PEX5L: variants seen among roughly 807,000 people sequenced by gnomAD.
PEX5L encodes peroxisomal biogenesis factor 5 like.
A neutral mutation model predicts 84.0 loss-of-function variants in PEX5L; 30 were observed. That is an observed-to-expected ratio of 0.36 (90% CI 0.27 to 0.48). The LOEUF is 0.48. PEX5L is among the 20% of genes least tolerant of loss of function. The pLI, the probability that PEX5L is intolerant of heterozygous loss-of-function variation, is 0.99. For missense variants in PEX5L, 533 were observed against 754.6 expected, an observed-to-expected ratio of 0.71 and a Z score of 3.44; for synonymous variants, 270 against 283.1, an observed-to-expected ratio of 0.95 and a Z score of 0.46.
rs149723859 is a variant in PEX5L at position 180,018,914 on chromosome 3, C to G, written c.21+17665G>C. Among the ~76,000 whole-genome samples the G allele has an allele frequency of 3.0e-3, 463 of 152,216 alleles. 3 individuals are homozygous for G. Among genetic ancestry groups the G allele is most frequent in the African/African-American group, 0.011 (443 of 41,544 alleles). ...GTTGTTTGTTTGTTAAAATCCAGAA[C>G]AGCAAGCCTAGAGTTTTCGGGCCAC... is the stretch of plus-strand genomic sequence containing the variant. On this transcript the variant is annotated intron_variant, in intron 1 of 14. Transcript: ENST00000467460.
rs542476156 is a variant in PEX5L at position 179,980,819 on chromosome 3, T to A, written c.22-9154A>T. Among the ~76,000 whole-genome samples the A allele has an allele frequency of 2.6e-5, 4 of 151,154 alleles. No individual in the cohort carries two copies. The South Asian group carries it at 8.4e-4, about 32-fold the overall frequency. On this transcript the variant is annotated intron_variant, in intron 1 of 14. Coordinates refer to ENST00000467460, the MANE Select transcript of PEX5L (RefSeq NM_016559.3). ...CACTTTGGGAGGCTGAGGTCAGGAG[T>A]TCAAGACCACCCTGGCCAACATGGT...
At chr3:179,849,525 AC>A (rs1740956423) in intron 8 of PEX5L, among the ~76,000 whole-genome samples, 1 of 152,158 alleles carries the variant, frequency 6.6e-6, no homozygotes, top group Non-Finnish European at 1.5e-5. Flanking sequence ...TTTTCCACAT[AC>A]CTTATTATGC....
intron 2 of PEX5L, among the ~76,000 whole-genome samples, chr3:179,928,796 C>A (rs1047887557): frequency 2.0e-5 from 3 of 152,138 alleles, no homozygotes; most frequent in African/African-American, 7.2e-5. Flanking sequence ...ACATAAAGAA[C>A]AAAACTACTG....
At chr3:179,905,484 A>T (rs1268869858) in intron 2 of PEX5L, among the ~76,000 whole-genome samples, 1 of 152,060 alleles carries the variant, frequency 6.6e-6, no homozygotes, top group East Asian at 1.9e-4. Flanking sequence ...CGTGTTAGCC[A>T]GGATGGTCTC....
intron 8 of PEX5L, among the ~76,000 whole-genome samples, chr3:179,849,442 A>G (rs1029647434): frequency 2.6e-5 from 4 of 152,378 alleles, no homozygotes; most frequent in Admixed American, 6.5e-5. Flanking sequence ...CACGCATTTT[A>G]CTAATGAAAA....
intron 2 of PEX5L, among the ~76,000 whole-genome samples, chr3:179,955,087 C>CCAGA (rs1296464176): frequency 3.3e-5 from 5 of 152,146 alleles, no homozygotes; most frequent in Non-Finnish European, 5.9e-5. Flanking sequence ...TCCCCAAGAA[C>CCAGA]TTTAAATCTG....
intron 9 of PEX5L, among the ~76,000 whole-genome samples, chr3:179,819,049 G>A (rs541215087): frequency 6.9e-6 from 1 of 144,380 alleles, no homozygotes; most frequent in Non-Finnish European, 1.5e-5. Flanking sequence ...TTTTTTTTTG[G>A]TAGAGACAGG....
At chr3:179,811,063 A>C (rs1158228163) in intron 11 of PEX5L, among the ~76,000 whole-genome samples, 1 of 152,158 alleles carries the variant, frequency 6.6e-6, no homozygotes, top group East Asian at 1.9e-4. Flanking sequence ...AAATACCAAC[A>C]GAATCTTGAA....
chr3:180,023,778 A>C (rs1790640757), intron 1 of PEX5L, among the ~76,000 whole-genome samples: 1 of 102,752 alleles, frequency 9.7e-6, no homozygotes, highest in Non-Finnish European at 1.9e-5. Context: ...ACACAGAGAG[A>C]GAGAGAGAGA....
intron 1 of PEX5L, among the ~76,000 whole-genome samples, chr3:179,981,851 T>C (rs1786362681): frequency 6.6e-6 from 1 of 152,118 alleles, no homozygotes; most frequent in Non-Finnish European, 1.5e-5. Context: ...CAATGTGAAA[T>C]TGTTCAGTGC....
chr3:179,810,392 T>C (rs1163311230), intron 11 of PEX5L, among the ~76,000 whole-genome samples: 5 of 152,142 alleles, frequency 3.3e-5, no homozygotes, highest in Admixed American at 3.3e-4. Flanking sequence ...TTTTACAGTC[T>C]TTTGCAAAGG....
At chr3:179,922,949 A>T (rs1278349093) in intron 2 of PEX5L, among the ~76,000 whole-genome samples, 1 of 152,128 alleles carries the variant, frequency 6.6e-6, no homozygotes, top group African/African-American at 2.4e-5. Context: ...GGGAATTTTA[A>T]TATTTTGGAT....
At chr3:179,808,575 A>G in intron 12 of PEX5L, 138 bp from the exon 13 acceptor site, 1 of 525,446 alleles carries the variant, frequency 1.9e-6, no homozygotes, top group Non-Finnish European at 3.3e-6. Flanking sequence ...CCTTAACTCA[A>G]TGAGAGGACT....
chr3:179,817,384 A>T (rs2108897165), intron 9 of PEX5L, among the ~76,000 whole-genome samples: 1 of 152,302 alleles, frequency 6.6e-6, no homozygotes, highest in South Asian at 2.1e-4. Context: ...TGGATAGGCT[A>T]TATTTATTTA....
intron 3 of PEX5L, among the ~76,000 whole-genome samples, chr3:179,891,888 G>A (rs4855122): frequency 0.18 from 26,737 of 152,010 alleles, 2,537 homozygotes; most frequent in South Asian, 0.31. Context: ...ACTGAATTGA[G>A]TCTCCCAATT....
Position 179,799,108 on chromosome 3 carries a change from C to T in PEX5L, c.*2720G>A, listed in dbSNP as rs12490034. On this transcript the variant is annotated 3_prime_UTR_variant, in exon 15 of 15. Transcript: ENST00000467460. ...CTAATTTTTGTATTCTTAATAAAGA[C>T]GGGGTTTCACCATGTTGGTCAGGCT... The T allele has an allele frequency of 0.11, 16,902 of 152,046 alleles. 1,222 individuals carry two copies. Among genetic ancestry groups the T allele is most frequent in the African/African-American group, 0.2 (8,299 of 41,428 alleles). 9.4% of individuals were successfully genotyped at this position (152,046 alleles called of 1,614,324 possible).
At chr3:179,977,861 C>G (rs1251154794) in intron 1 of PEX5L, among the ~76,000 whole-genome samples, 1 of 152,176 alleles carries the variant, frequency 6.6e-6, no homozygotes, top group Non-Finnish European at 1.5e-5. Context: ...AAAAGACACT[C>G]ATGGGCTTTT....
chr3:179,973,713 G>A (rs1235413358), intron 1 of PEX5L: 4 of 985,116 alleles, frequency 4.1e-6, no homozygotes, highest in Non-Finnish European at 4.8e-6. Flanking sequence ...ACCAAAGTCC[G>A]CCTCTCCAAT....
At chr3:180,003,261 A>G (rs747533782) in intron 1 of PEX5L, among the ~76,000 whole-genome samples, 2 of 152,162 alleles carry the variant, frequency 1.3e-5, no homozygotes, top group Non-Finnish European at 2.9e-5. Flanking sequence ...CATGGAAAAC[A>G]TCTGGGATTT....
Sources: gnomAD v4.1 joint callset for allele counts (sites outside exome capture counted in the v4.1 genomes callset) on GRCh38, gnomAD v4.1.1 for gene constraint, MANE v1.5 for transcripts, NCBI Gene and HGNC (gene_info 2026-07-23, HGNC 2026-07-21) for gene names.